FAM193A: variants seen among roughly 807,000 people sequenced by gnomAD.
FAM193A encodes the protein family with sequence similarity 193 member A.
A neutral mutation model predicts 126.5 loss-of-function variants in FAM193A; 22 were observed. That is an observed-to-expected ratio of 0.17 (90% CI 0.12 to 0.25). The LOEUF (loss-of-function observed/expected upper bound fraction) is 0.25. Among genes scored for constraint, FAM193A ranks in the 10% least tolerant of loss-of-function variants. FAM193A has a pLI of 1.00. For synonymous variants in FAM193A, 761 were observed against 646.8 expected, an observed-to-expected ratio of 1.18 and a Z score of -2.68; for missense variants, 1,675 against 1,672.8, an observed-to-expected ratio of 1.00 and a Z score of -0.02.
intron 1 of FAM193A, among the ~76,000 whole-genome samples, chr4:2,570,072 T>A (rs1739199353): frequency 7.4e-6 from 1 of 135,216 alleles, no homozygotes; most frequent in Admixed American, 6.9e-5. Context: ...TTACAGAAAC[T>A]GAGAGTATGA....
intron 10 of FAM193A, among the ~76,000 whole-genome samples, chr4:2,662,132 G>A (rs955801597): frequency 1.3e-5 from 2 of 152,096 alleles, no homozygotes; most frequent in African/African-American, 2.4e-5. Flanking sequence ...GCAGTGAGCC[G>A]AGATTGTGCC....
At position 2,678,606 on chromosome 4, in the gene FAM193A, G is replaced by A. The variant is rs550106312; in HGVS notation, c.2331+6234G>A. 6.6e-4 allele frequency among the ~76,000 whole-genome samples: 100 copies of A among 151,886 alleles called. No homozygotes were observed. The Middle Eastern group carries it at 0.024, about 36-fold the overall frequency. ...TCGAACTCCTGACCTCAAGTGATCC[G>A]CCCGCCTCGGCTTCCCAAAGTGCTG... On this transcript the variant is annotated intron_variant, in intron 13 of 20. Transcript: ENST00000637812.
chr4:2,545,296 T>G (rs748135363), intron 1 of FAM193A, among the ~76,000 whole-genome samples: 4 of 152,184 alleles, frequency 2.6e-5, no homozygotes, highest in Non-Finnish European at 5.9e-5. Flanking sequence ...CCAGGCCCTC[T>G]CTTTGAATTT....
intron 2 of FAM193A, among the ~76,000 whole-genome samples, chr4:2,623,573 C>G (rs1477420055): frequency 6.6e-6 from 1 of 152,250 alleles, no homozygotes; most frequent in Admixed American, 6.5e-5. Context: ...TGACCCAACT[C>G]CACAGCACCT....
chr4:2,614,912 A>T (rs1252708247), intron 2 of FAM193A, among the ~76,000 whole-genome samples: 1 of 152,200 alleles, frequency 6.6e-6, no homozygotes, highest in East Asian at 1.9e-4. Context: ...TTTAATTTCC[A>T]TAGGATCTCT....
intron 12 of FAM193A, among the ~76,000 whole-genome samples, chr4:2,665,530 A>G (rs1382313868): frequency 1.3e-5 from 2 of 151,998 alleles, no homozygotes; most frequent in African/African-American, 4.8e-5. Context: ...TTTTTAAGAA[A>G]CAGAATCTCA....
At chr4:2,664,548 TA>T (rs1560539594) in intron 12 of FAM193A, among the ~76,000 whole-genome samples, 6 of 143,404 alleles carry the variant, frequency 4.2e-5, no homozygotes, top group African/African-American at 1.6e-4. Flanking sequence ...TCTCTCTCTC[TA>T]TTTTCTTTCT....
intron 18 of FAM193A, among the ~76,000 whole-genome samples, chr4:2,699,440 C>A (rs1230656760): frequency 1.2e-5 from 1 of 83,716 alleles, no homozygotes; most frequent in African/African-American, 4.2e-5. Flanking sequence ...ACTACCACCC[C>A]CCCCCCCACA....
chr4:2,609,536 A>C (rs2108938816), intron 2 of FAM193A, among the ~76,000 whole-genome samples: 1 of 152,312 alleles, frequency 6.6e-6, no homozygotes, highest in South Asian at 2.1e-4. Flanking sequence ...TGTAAGTTGC[A>C]TTTTACACTA....
rs555382518 is a variant in FAM193A at position 2,631,185 on chromosome 4, T to C, written c.1038+16T>C. ...TGGCACTCTGGTAAGAGAGAAAACG[T>C]GTTTTTCTTTCTGTTTGGATGAGCT... On this transcript the variant is annotated intron_variant, in intron 5 of 20. Transcript: ENST00000637812. 5 of 1,587,480 alleles carry C rather than the reference T, an allele frequency of 3.1e-6. No homozygotes were observed. The highest frequency in any genetic ancestry group is 1.3e-5 in the African/African-American group (1 of 74,212).
intron 1 of FAM193A, among the ~76,000 whole-genome samples, chr4:2,557,142 C>T (rs1738307123): frequency 6.6e-6 from 1 of 152,032 alleles, no homozygotes; most frequent in African/African-American, 2.4e-5. Flanking sequence ...GAGAGATTAA[C>T]AACAATAACA....
intron 7 of FAM193A, chr4:2,654,761 A>G (rs1307562854): frequency 1.3e-5 from 3 of 227,436 alleles, no homozygotes; most frequent in African/African-American, 2.2e-5. Context: ...ATATTGTATT[A>G]TGGTTTTATA....
chr4:2,539,542 G>GC (rs1401564643), intron 1 of FAM193A, among the ~76,000 whole-genome samples: 1 of 151,852 alleles, frequency 6.6e-6, no homozygotes, highest in Non-Finnish European at 1.5e-5. Context: ...ATGTAGCTAG[G>GC]CCTCTAGGTA....
At chr4:2,726,089 C>T (rs567396984) in intron 20 of FAM193A, among the ~76,000 whole-genome samples, 5 of 151,972 alleles carry the variant, frequency 3.3e-5, no homozygotes, top group African/African-American at 4.8e-5. Flanking sequence ...TTAGTAGAGA[C>T]GGGGTTTCAC....
At chr4:2,621,065 C>T (rs1577084918) in intron 2 of FAM193A, among the ~76,000 whole-genome samples, 1 of 152,032 alleles carries the variant, frequency 6.6e-6, no homozygotes, top group African/African-American at 2.4e-5. Context: ...GTCCTGCAGG[C>T]TGGGACTGAG....
chr4:2,564,449 C>T (rs79302885), intron 1 of FAM193A, among the ~76,000 whole-genome samples: 6,566 of 152,142 alleles, frequency 0.043, 200 homozygotes, highest in Non-Finnish European at 0.064. Flanking sequence ...TGAATGACTT[C>T]CATCACAAAA....
intron 1 of FAM193A, among the ~76,000 whole-genome samples, chr4:2,538,811 G>T (rs1160110042): frequency 1.3e-5 from 2 of 152,058 alleles, no homozygotes; most frequent in African/African-American, 4.8e-5. Flanking sequence ...AAAATTCTTA[G>T]TTTTAGCCTT....
Position 2,690,947 on chromosome 4 carries a change from C to T in FAM193A, c.2780C>T (p.Ser927Leu). The stretch of plus-strand genomic sequence containing the variant: ...TCCAGCAACAGCCAGTTCAGAGTGT[C>T]ATCCAAGAGACCTCCTTCAGTAGGT... ...VQSSNSQFRV[S>L]SKRPPSVGDV... Residue 927 changes from serine to leucine, a missense_variant, in exon 15 of 21, where the codon TCA becomes TTA. Transcript: ENST00000637812. 1 of 1,613,516 alleles carries T rather than the reference C, an allele frequency of 6.2e-7. No homozygotes were observed. Among genetic ancestry groups the T allele is most frequent in the Non-Finnish European group, 8.5e-7 (1 of 1,179,528 alleles).
At chr4:2,610,068 C>T (rs943463097) in intron 2 of FAM193A, among the ~76,000 whole-genome samples, 2 of 151,490 alleles carry the variant, frequency 1.3e-5, no homozygotes, top group African/African-American at 4.9e-5. Context: ...CCCATCTCTA[C>T]TAAAAATACA....
Sources: allele counts gnomAD v4.1 joint callset (sites outside exome capture counted in the v4.1 genomes callset), GRCh38; gene constraint gnomAD v4.1.1; transcripts MANE v1.5; gene names NCBI Gene and HGNC (gene_info 2026-07-23, HGNC 2026-07-21).